MYT1L: variants seen among roughly 807,000 people sequenced by gnomAD.
The protein encoded by MYT1L is myelin transcription factor 1-like protein.
Under a neutral mutation model 126.7 loss-of-function variants are expected in MYT1L, and 12 were observed. The ratio of observed to expected loss-of-function variants is 0.09; its 90% CI spans 0.06 to 0.15. MYT1L has a LOEUF of 0.15. Among genes scored for constraint, MYT1L ranks in the 10% least tolerant of loss-of-function variants. The probability of loss-of-function intolerance (pLI) is 1.00; values close to 1 mark genes in which losing one functional copy is unlikely to be tolerated. For synonymous variants in MYT1L, 541 were observed against 604.2 expected (o/e 0.90, Z 1.53); for missense variants, 979 against 1,585.2 (o/e 0.62, Z 6.49).
chr2:1,887,229 G>C lies in MYT1L; in HGVS notation c.2642+259C>G. ...TCCAGTTTAGCTGCAATGTCTGCAA[G>C]GGGATTTAAGCACCCTGAAGAAAAG... On this transcript the variant is annotated intron_variant, in intron 17 of 24. Transcript: ENST00000647738. This position sits in a 1 kb window ranked among gnomAD's most constrained non-coding sequence, Gnocchi z 4.8. 1 of 455,440 alleles carries C rather than the reference G, an allele frequency of 2.2e-6. No individual in the cohort carries two copies. Among genetic ancestry groups the C allele is most frequent in the Non-Finnish European group, 3.8e-6 (1 of 260,224 alleles). 28.2% of individuals were successfully genotyped at this position (455,440 alleles called of 1,614,324 possible). A position where few individuals can be genotyped will look rare whatever the true frequency, so the allele number is the denominator to read the frequency against.
chr2:2,060,604 A>G (rs2070285559), intron 3 of MYT1L, among the ~76,000 whole-genome samples: 1 of 152,128 alleles, frequency 6.6e-6, no homozygotes, highest in African/African-American at 2.4e-5. Context: ...GGCTAAAGAA[A>G]GCCAAACTTG....
rs535543733 is a variant in MYT1L at position 2,240,218 on chromosome 2, A to G, written c.-421+44186T>C. Among the ~76,000 whole-genome samples the G allele has an allele frequency of 3.3e-5, 5 of 152,250 alleles. No homozygotes were observed. In the South Asian group the frequency reaches 8.3e-4, roughly 25 times the overall value. ...GAGGCAGAGGAGAATCACTTGAACC[A>G]GGAGGCGGAGGTTGCAGGGAGCTGA... is the stretch of plus-strand genomic sequence containing the variant. On this transcript the variant is annotated intron_variant, in intron 2 of 24. Coordinates refer to ENST00000647738, the MANE Select transcript of MYT1L (RefSeq NM_001303052.2).
At chr2:1,838,743 CA>C (rs2041237723) in intron 21 of MYT1L, among the ~76,000 whole-genome samples, 1 of 152,188 alleles carries the variant, frequency 6.6e-6, no homozygotes, top group Admixed American at 6.5e-5. Context: ...ATCTTTGGTG[CA>C]GGCATTCACC....
intron 3 of MYT1L, among the ~76,000 whole-genome samples, chr2:2,058,001 T>C (rs779919743): frequency 6.6e-6 from 1 of 152,136 alleles, no homozygotes; most frequent in Non-Finnish European, 1.5e-5. Flanking sequence ...ATGGCTAGCT[T>C]TAAAAGAAAA....
At chr2:2,168,499 GA>G (rs2089518772) in intron 3 of MYT1L, among the ~76,000 whole-genome samples, 1 of 152,146 alleles carries the variant, frequency 6.6e-6, no homozygotes, top group African/African-American at 2.4e-5. Flanking sequence ...GTGAGCAAAT[GA>G]AAACAAGGCT....
intron 4 of MYT1L, among the ~76,000 whole-genome samples, chr2:2,043,949 C>G (rs1408164953): frequency 6.6e-6 from 1 of 151,892 alleles, no homozygotes; most frequent in East Asian, 1.9e-4. Context: ...TTTTGGCTGA[C>G]AGAGATGAAT....
At chr2:2,144,154 C>T (rs1322135058) in intron 3 of MYT1L, among the ~76,000 whole-genome samples, 2 of 152,116 alleles carry the variant, frequency 1.3e-5, no homozygotes, top group East Asian at 3.9e-4. Flanking sequence ...AACCAATGTG[C>T]GTTGGTTGCA....
intron 3 of MYT1L, among the ~76,000 whole-genome samples, chr2:2,142,481 G>A (rs907494381): frequency 6.6e-6 from 1 of 152,066 alleles, no homozygotes. Flanking sequence ...CAGGATCTCT[G>A]CATAAGACCA....
At chr2:1,837,872 A>G (rs1194918984) in intron 21 of MYT1L, among the ~76,000 whole-genome samples, 2 of 147,866 alleles carry the variant, frequency 1.4e-5, no homozygotes. Flanking sequence ...GGGAAAGGAC[A>G]TTCAATTTCT....
At chr2:2,107,024 C>G (rs373840121) in intron 3 of MYT1L, among the ~76,000 whole-genome samples, 24 of 151,804 alleles carry the variant, frequency 1.6e-4, no homozygotes, top group Admixed American at 4.6e-4. Flanking sequence ...AGTACCTCAT[C>G]TATAAAGTGG....
rs114282819 is a variant in MYT1L at position 2,019,260 on chromosome 2, T to C, written c.-157-21913A>G. Among the ~76,000 whole-genome samples the C allele has an allele frequency of 5.5e-3, 844 of 152,130 alleles. 8 individuals carry two copies. Among genetic ancestry groups the C allele is most frequent in the African/African-American group, 0.019 (808 of 41,504 alleles). ...TGACAGTGAGTAAGTCTGATAAGAT[T>C]TGATGGTTTTATAAAGGGGAATTCC... On this transcript the variant is annotated intron_variant, in intron 4 of 24. Coordinates refer to ENST00000647738, the MANE Select transcript of MYT1L (RefSeq NM_001303052.2).
intron 3 of MYT1L, among the ~76,000 whole-genome samples, chr2:2,101,370 C>A (rs555710698): frequency 1.3e-5 from 2 of 152,040 alleles, no homozygotes; most frequent in East Asian, 1.9e-4. Flanking sequence ...CCTTTGGAAC[C>A]CCATTAAAAT....
chr2:2,013,109 C>T (rs950290658), intron 4 of MYT1L, among the ~76,000 whole-genome samples: 1 of 152,186 alleles, frequency 6.6e-6, no homozygotes, highest in Non-Finnish European at 1.5e-5. Flanking sequence ...GAAGTGTACA[C>T]TTCCAATGGG....
intron 3 of MYT1L, among the ~76,000 whole-genome samples, chr2:2,160,269 T>C (rs1372460327): frequency 6.6e-6 from 1 of 152,216 alleles, no homozygotes. Context: ...TCAGTACATG[T>C]CTGTTCACAT....
intron 9 of MYT1L, among the ~76,000 whole-genome samples, 178 bp downstream of exon 9, chr2:1,942,804 G>T (rs763639812): frequency 5.9e-5 from 9 of 152,108 alleles, no homozygotes; most frequent in Non-Finnish European, 1.0e-4. Flanking sequence ...GTGTAACAGA[G>T]AATCTGAAGA....
chr2:2,016,179 C>A (rs1400321466), intron 4 of MYT1L, among the ~76,000 whole-genome samples: 1 of 152,188 alleles, frequency 6.6e-6, no homozygotes, highest in Non-Finnish European at 1.5e-5. Flanking sequence ...GTGGTGAAAC[C>A]ATACAAAGCC....
intron 22 of MYT1L, among the ~76,000 whole-genome samples, chr2:1,802,747 A>G (rs1394883473): frequency 6.6e-6 from 1 of 152,214 alleles, no homozygotes; most frequent in African/African-American, 2.4e-5. Flanking sequence ...AAAGAGAAGG[A>G]GATTCCTCTC....
rs551514776 is a variant in MYT1L at position 1,990,103 on chromosome 2, T to C, written c.-1+7088A>G. Among the ~76,000 whole-genome samples, 4 of 152,364 alleles carry C rather than the reference T, an allele frequency of 2.6e-5. No homozygotes were observed. In the East Asian group the frequency reaches 7.7e-4, roughly 29 times the overall value. ...TATAGTATGAAATAAAAATCATCTC[T>C]GGCCTTTTGGCACCTGTAAAATCAG... On this transcript the variant is annotated intron_variant, in intron 5 of 24. Coordinates refer to ENST00000647738, the MANE Select transcript of MYT1L (RefSeq NM_001303052.2).
chr2:2,162,290 C>T (rs575431944), intron 3 of MYT1L, among the ~76,000 whole-genome samples: 1 of 151,066 alleles, frequency 6.6e-6, no homozygotes, highest in Non-Finnish European at 1.5e-5. Flanking sequence ...GCAGGTGGTG[C>T]CTGGGGTCCA....
Sources: allele counts gnomAD v4.1 joint callset (sites outside exome capture counted in the v4.1 genomes callset), GRCh38; gene constraint gnomAD v4.1.1; non-coding constraint Gnocchi (gnomAD v3.1); transcripts MANE v1.5; gene names NCBI Gene and HGNC (gene_info 2026-07-23, HGNC 2026-07-21).